Variants in ABI3BP observed in about 807,000 individuals in gnomAD.
ABI3BP encodes the protein target of Nesh-SH3.
A neutral mutation model predicts 268.6 loss-of-function variants in ABI3BP; 216 were observed. That is an observed-to-expected ratio of 0.80 (90% CI 0.72 to 0.90). The LOEUF (loss-of-function observed/expected upper bound fraction) is 0.90, where lower values mean the gene tolerates loss of function less well. Ranked by LOEUF, ABI3BP falls within the 40% of genes least tolerant of loss-of-function variation. ABI3BP has a pLI of 0.00. For synonymous variants in ABI3BP, 730 were observed against 730.0 expected (o/e 1.00, Z 0.00); for missense variants, 2,090 against 2,182.4 (o/e 0.96, Z 0.84).
chr3:100,911,462 A>G, intron 2 of ABI3BP: 1 of 380,604 alleles, frequency 2.6e-6, no homozygotes, highest in South Asian at 3.0e-5. Flanking sequence ...TATATCCTTT[A>G]CTAGTTTATT....
chr3:100,864,611 G>C, intron 11 of ABI3BP: 1 of 512,142 alleles, frequency 2.0e-6, no homozygotes, highest in Non-Finnish European at 3.4e-6. Context: ...TTAGCATCCA[G>C]ATTTGCCCAG....
intron 2 of ABI3BP, among the ~76,000 whole-genome samples, chr3:100,916,224 A>G (rs1042988091): frequency 2.6e-5 from 4 of 152,164 alleles, no homozygotes; most frequent in African/African-American, 9.6e-5. Context: ...ATTTTTATTT[A>G]TCAGGACTTT....
In ABI3BP at chr3:100,749,818, G is replaced by T; in HGVS notation, c.*677C>A. 2.5e-6 allele frequency: 1 copy of T among 397,388 alleles called. No individual in the cohort carries two copies. The highest frequency in any genetic ancestry group is 1.3e-4 in the South Asian group (1 of 7,726). The allele number at this position is 397,388 out of a possible 1,614,324, so 24.6% of individuals were successfully genotyped here. On this transcript the variant is annotated 3_prime_UTR_variant, in exon 68 of 68. Transcript: ENST00000471714. ...TATGGTGGGTAAAAATGTATCTTTTGAAACAATATATTAGACTCCATTTTT... is the reference window on the plus strand; with the variant it reads ...TATGGTGGGTAAAAATGTATCTTTTTAAACAATATATTAGACTCCATTTTT...
At chr3:100,804,417 C>T (rs2097639776) in intron 51 of ABI3BP, among the ~76,000 whole-genome samples, 1 of 152,098 alleles carries the variant, frequency 6.6e-6, no homozygotes, top group African/African-American at 2.4e-5. Flanking sequence ...ACATCATTGC[C>T]TCCATTTGTA....
chr3:100,975,265 T>C (rs1217366495), intron 1 of ABI3BP, among the ~76,000 whole-genome samples: 1 of 152,182 alleles, frequency 6.6e-6, no homozygotes, highest in Non-Finnish European at 1.5e-5. Context: ...CTTCCTTGTA[T>C]TGTCATACTG....
Position 100,818,589 on chromosome 3 carries a change from A to C in ABI3BP, c.3032-8T>G. ...CAAGATCTGTAGAAGGAACTAATTA[A>C]AAGCAATGAAATAAACTTGTGAAAA... is the stretch of plus-strand genomic sequence containing the variant. On this transcript the variant is annotated splice_region_variant and splice_polypyrimidine_tract_variant and intron_variant, in intron 40 of 67. Transcript: ENST00000471714. 2.6e-6 allele frequency: 4 copies of C among 1,533,072 alleles called. No individual in the cohort carries two copies. The highest frequency in any genetic ancestry group is 3.5e-6 in the Non-Finnish European group (4 of 1,144,220). The allele number at this position is 1,533,072 out of a possible 1,614,324, so 95.0% of individuals were successfully genotyped here. A position where few individuals can be genotyped will look rare whatever the true frequency, so the allele number is the denominator to read the frequency against.
chr3:100,936,658 T>C (rs1209430125), intron 1 of ABI3BP, among the ~76,000 whole-genome samples: 2 of 152,100 alleles, frequency 1.3e-5, no homozygotes, highest in Non-Finnish European at 2.9e-5. Flanking sequence ...ATTTCCGAAC[T>C]TGTTATTGGT....
chr3:100,827,725 A>G (rs2098414134), intron 34 of ABI3BP, among the ~76,000 whole-genome samples: 1 of 152,140 alleles, frequency 6.6e-6, no homozygotes, highest in African/African-American at 2.4e-5. Flanking sequence ...TGCAAATTTG[A>G]CAGATTAAAT....
chr3:100,806,630 C>T (rs943052184), intron 50 of ABI3BP, among the ~76,000 whole-genome samples: 1 of 152,074 alleles, frequency 6.6e-6, no homozygotes, highest in Non-Finnish European at 1.5e-5. Flanking sequence ...GTAGCACTGA[C>T]AAAGCCAGAA....
intron 1 of ABI3BP, among the ~76,000 whole-genome samples, chr3:100,986,283 T>C (rs1456674809): frequency 6.6e-6 from 1 of 152,218 alleles, no homozygotes; most frequent in East Asian, 1.9e-4. Flanking sequence ...TCCTTCTTCA[T>C]GCAAACCTTC....
At chr3:100,984,945 C>A (rs187870892) in intron 1 of ABI3BP, among the ~76,000 whole-genome samples, 2 of 152,168 alleles carry the variant, frequency 1.3e-5, no homozygotes, top group Admixed American at 1.3e-4. Context: ...CCTAAATTTT[C>A]TTTCCTGAGA....
chr3:100,965,922 T>C (rs2081116032), intron 1 of ABI3BP, among the ~76,000 whole-genome samples: 1 of 152,204 alleles, frequency 6.6e-6, no homozygotes, highest in African/African-American at 2.4e-5. Flanking sequence ...TAATGATCTT[T>C]CCATTATTGT....
At chr3:100,892,864 A>G (rs919590772) in intron 4 of ABI3BP, among the ~76,000 whole-genome samples, 1 of 152,200 alleles carries the variant, frequency 6.6e-6, no homozygotes, top group Non-Finnish European at 1.5e-5. Context: ...GAGATATAAT[A>G]AGGAGTGAGC....
intron 49 of ABI3BP, among the ~76,000 whole-genome samples, chr3:100,809,152 T>C (rs2097785922): frequency 6.6e-6 from 1 of 152,044 alleles, no homozygotes; most frequent in Non-Finnish European, 1.5e-5. Context: ...TGAATACTGA[T>C]ATATGTTGGA....
intron 9 of ABI3BP, among the ~76,000 whole-genome samples, chr3:100,867,686 T>C (rs918326542): frequency 2.1e-5 from 3 of 145,090 alleles, no homozygotes; most frequent in Non-Finnish European, 4.6e-5. Flanking sequence ...TTCTACATGG[T>C]AAAAAATGTA....
At chr3:100,936,427 CTGA>C (rs1213427672) in intron 1 of ABI3BP, among the ~76,000 whole-genome samples, 4 of 152,088 alleles carry the variant, frequency 2.6e-5, no homozygotes, top group Non-Finnish European at 5.9e-5. Context: ...GGATATTGGC[CTGA>C]AATTTTCTTT....
At chr3:100,828,990 G>C (rs2098437514) in intron 33 of ABI3BP, among the ~76,000 whole-genome samples, 1 of 152,074 alleles carries the variant, frequency 6.6e-6, no homozygotes, top group Admixed American at 6.6e-5. Context: ...GAAATGTTCT[G>C]ATCAACACCT....
chr3:100,902,745 C>A, intron 2 of ABI3BP, 59 bp from the exon 3 acceptor site: 1 of 1,388,346 alleles, frequency 7.2e-7, no homozygotes, highest in Non-Finnish European at 1.0e-6. Context: ...TTGGAGGCAG[C>A]ACACCCCTAC....
At chr3:100,766,009 C>G (rs1279553518) in intron 62 of ABI3BP, 60 bp from the exon 63 acceptor site, 1 of 1,314,858 alleles carries the variant, frequency 7.6e-7, no homozygotes, top group Non-Finnish European at 1.1e-6. Context: ...CTTAATTGCT[C>G]CTGAAGCTAA....
Sources: gnomAD v4.1 joint callset for allele counts (sites outside exome capture counted in the v4.1 genomes callset) on GRCh38, gnomAD v4.1.1 for gene constraint, MANE v1.5 for transcripts, NCBI Gene and HGNC (gene_info 2026-07-23, HGNC 2026-07-21) for gene names.